Variants in BAZ2B observed in about 807,000 individuals in gnomAD.
The protein encoded by BAZ2B is bromodomain adjacent to zinc finger domain 2B.
In BAZ2B, 91 loss-of-function variants were observed where a neutral mutation model predicts 246.0. The observed-to-expected ratio is 0.37, with a 90% CI of 0.31 to 0.44. The LOEUF (loss-of-function observed/expected upper bound fraction) is 0.44. Ranked by LOEUF, BAZ2B falls within the 20% of genes least tolerant of loss-of-function variation. The pLI, the probability that BAZ2B is intolerant of heterozygous loss-of-function variation, is 1.00. For missense variants in BAZ2B, 2,332 were observed against 2,533.7 expected, an observed-to-expected ratio of 0.92 and a Z score of 1.71; for synonymous variants, 855 against 860.0, an observed-to-expected ratio of 0.99 and a Z score of 0.10.
chr2:159,428,283 T>C, intron 12 of BAZ2B, 28 bp downstream of exon 12: 2 of 1,569,466 alleles, frequency 1.3e-6, no homozygotes, highest in Non-Finnish European at 1.7e-6. Flanking sequence ...AGGCACCAAA[T>C]GTACATTATT....
At chr2:159,623,613 T>G in the BAZ2B span, among the ~76,000 whole-genome samples, 1 of 152,156 alleles carries the variant, frequency 6.6e-6, no homozygotes, top group Non-Finnish European at 1.5e-5. Flanking sequence ...GTTTCTTTCT[T>G]TTTTTCTTCC....
intron 2 of BAZ2B, among the ~76,000 whole-genome samples, chr2:159,510,577 C>T (rs1255110099): frequency 6.6e-6 from 1 of 152,072 alleles, no homozygotes; most frequent in Non-Finnish European, 1.5e-5. Flanking sequence ...ATTAAGACCA[C>T]TGGATTGTGT....
chr2:159,671,394 C>T, the BAZ2B span, among the ~76,000 whole-genome samples: 6 of 152,030 alleles, frequency 3.9e-5, no homozygotes, highest in Non-Finnish European at 7.4e-5. Context: ...GGTAGCTATA[C>T]GGGACATAAA....
chr2:159,514,889 C>T (rs1042814864), intron 2 of BAZ2B, among the ~76,000 whole-genome samples: 4 of 152,176 alleles, frequency 2.6e-5, no homozygotes, highest in African/African-American at 4.8e-5. Context: ...GATAACTTGA[C>T]TAAGCTAGAA....
At chr2:159,514,044 C>T (rs894554277) in intron 2 of BAZ2B, among the ~76,000 whole-genome samples, 12 of 152,146 alleles carry the variant, frequency 7.9e-5, no homozygotes, top group Non-Finnish European at 1.5e-4. Flanking sequence ...CTTTCCTCAA[C>T]ATCATCTTTT....
At chr2:159,576,969 T>C (rs1348199548) in intron 1 of BAZ2B, among the ~76,000 whole-genome samples, 1 of 150,476 alleles carries the variant, frequency 6.6e-6, no homozygotes, top group Non-Finnish European at 1.5e-5. Flanking sequence ...CTCACACCTG[T>C]ATTCTCAGCC....
At chr2:159,394,683 A>C (rs1220614838) in intron 20 of BAZ2B, among the ~76,000 whole-genome samples, 1 of 152,182 alleles carries the variant, frequency 6.6e-6, no homozygotes, top group East Asian at 1.9e-4. Context: ...ATCAATGGTT[A>C]AGTACTATGT....
At position 159,421,821 on chromosome 2, in the gene BAZ2B, G is replaced by A. The variant is rs185394756; in HGVS notation, c.2466+6120C>T. 3.7e-4 allele frequency among the ~76,000 whole-genome samples: 56 copies of A among 152,242 alleles called. 1 individual carries two copies. In the East Asian group the frequency reaches 9.8e-3, roughly 27 times the overall value. On this transcript the variant is annotated intron_variant, in intron 13 of 36. Coordinates refer to ENST00000392783, the MANE Select transcript of BAZ2B (RefSeq NM_013450.4). ...AACTATCTGTCTTAAGAGACAATAT[G>A]ATTCTATACCTAGAAAACCCTAAAG...
the BAZ2B span, among the ~76,000 whole-genome samples, chr2:159,634,128 C>T: frequency 0.92 from 140,596 of 152,254 alleles, 65,409 homozygotes; most frequent in East Asian, 1. Flanking sequence ...AATAAGACAA[C>T]CAAGATCAGA....
At chr2:159,593,766 T>C (rs1160948779) in intron 1 of BAZ2B, among the ~76,000 whole-genome samples, 1 of 152,128 alleles carries the variant, frequency 6.6e-6, no homozygotes, top group Non-Finnish European at 1.5e-5. Flanking sequence ...AACATAGTCA[T>C]CCACTGGGGG....
rs1487545027 is a variant in BAZ2B at position 159,478,615 on chromosome 2, G to A, written c.105C>T (p.Ser35=). ...VASVVSKGGL[S]TGVASLSSTI... The stretch of plus-strand genomic sequence containing the variant: ...TAGAGCTAAGTGAAGCAACTCCAGT[G>A]GAAAGGCCACCTTTTGAAACTACTG... Residue 35 remains serine, a synonymous_variant, in exon 3 of 37, where the codon TCC becomes TCT. Coordinates refer to ENST00000392783, the MANE Select transcript of BAZ2B (RefSeq NM_013450.4). 6.2e-7 allele frequency: 1 copy of A among 1,611,878 alleles called. No homozygotes were observed. The highest frequency in any genetic ancestry group is 1.3e-5 in the African/African-American group (1 of 74,934).
intron 21 of BAZ2B, among the ~76,000 whole-genome samples, chr2:159,388,229 T>A (rs2062868270): frequency 6.6e-6 from 1 of 152,102 alleles, no homozygotes; most frequent in African/African-American, 2.4e-5. Flanking sequence ...ATCCTACTAA[T>A]TAAGTATAAT....
chr2:159,431,221 T>A (rs2071048189), intron 9 of BAZ2B, 65 bp from the exon 10 acceptor site: 1 of 1,520,322 alleles, frequency 6.6e-7, no homozygotes, highest in Non-Finnish European at 8.8e-7. Context: ...GCAGTTTGTA[T>A]CTAAATGGAC....
chr2:159,373,040 C>T lies in BAZ2B; in HGVS notation c.4213+5G>A. ...AACAATTTGTATCGGATTATGAGTT[C>T]TAACCTTCACCACTCTCCATGCCTT... On this transcript the variant is annotated splice_donor_5th_base_variant and intron_variant, in intron 27 of 36. Coordinates refer to ENST00000392783, the MANE Select transcript of BAZ2B (RefSeq NM_013450.4). 1 of 1,610,946 alleles carries T rather than the reference C, an allele frequency of 6.2e-7. No homozygotes were observed.
At chr2:159,558,334 G>A (rs946959535) in intron 1 of BAZ2B, among the ~76,000 whole-genome samples, 6 of 152,038 alleles carry the variant, frequency 3.9e-5, no homozygotes, top group Non-Finnish European at 8.8e-5. Context: ...TCAGCTCACC[G>A]CAACCTCCAC....
chr2:159,645,144 C>T, the BAZ2B span, among the ~76,000 whole-genome samples: 2 of 152,054 alleles, frequency 1.3e-5, no homozygotes, highest in African/African-American at 4.8e-5. Context: ...TGGTGGCATG[C>T]ACCTATAGTC....
chr2:159,362,011 C>A (rs959081892), intron 27 of BAZ2B, among the ~76,000 whole-genome samples: 4 of 151,916 alleles, frequency 2.6e-5, no homozygotes, highest in Non-Finnish European at 5.9e-5. Context: ...ATGTAGATGA[C>A]GGGTTGATGG....
intron 2 of BAZ2B, among the ~76,000 whole-genome samples, chr2:159,488,231 C>G (rs771876198): frequency 6.6e-6 from 1 of 152,078 alleles, no homozygotes; most frequent in African/African-American, 2.4e-5. Context: ...TGCCATCACT[C>G]CTGGCTAATT....
At position 159,373,128 on chromosome 2, in the gene BAZ2B, A is replaced by G; in HGVS notation, c.4130T>C (p.Phe1377Ser). 1 of 1,614,140 alleles carries G rather than the reference A, an allele frequency of 6.2e-7. No individual in the cohort carries two copies. The change falls in exon 27 of 37, where the codon TTT becomes TCT. Residue 1377 changes from phenylalanine (F) to serine (S), a missense_variant. Phe to Ser is a radical substitution (Grantham distance 155). This residue lies in a region of BAZ2B where 676 missense variants were observed against 668.6 expected (regional missense o/e 1.01). Coordinates refer to ENST00000392783, the MANE Select transcript of BAZ2B (RefSeq NM_013450.4). Reference sequence around the variant, plus strand: ...CCGGCGTCTGTAACGATCTTGGCCAAACATCACTGAACGCAATGAGTGAGA... The same window carrying G: ...CCGGCGTCTGTAACGATCTTGGCCAGACATCACTGAACGCAATGAGTGAGA... ...DASHSLRSVMFGQDRYRRRYW... is the reference protein window; with the variant it reads ...DASHSLRSVMSGQDRYRRRYW...
Sources: gnomAD v4.1 joint callset for allele counts (sites outside exome capture counted in the v4.1 genomes callset) on GRCh38, gnomAD v4.1.1 for gene constraint, gnomAD v4.1.1 regional missense constraint, MANE v1.5 for transcripts, NCBI Gene and HGNC (gene_info 2026-07-23, HGNC 2026-07-21) for gene names.